Variants in PCGF3 observed in about 807,000 individuals in gnomAD.
PCGF3 encodes polycomb group ring finger 3.
A neutral mutation model predicts 33.1 loss-of-function variants in PCGF3; 7 were observed. The observed-to-expected ratio is 0.21, with a 90% CI of 0.12 to 0.40. The LOEUF is 0.40. Ranked by LOEUF, PCGF3 falls within the 10% of genes least tolerant of loss-of-function variation. The probability of loss-of-function intolerance (pLI) is 1.00; values close to 1 mark genes in which losing one functional copy is unlikely to be tolerated. For synonymous variants in PCGF3, 153 were observed against 121.3 expected (o/e 1.26, Z -1.72); for missense variants, 211 against 313.3 (o/e 0.67, Z 2.46).
At chr4:739,311 C>T (rs2152583197) in intron 6 of PCGF3, among the ~76,000 whole-genome samples, 1 of 152,300 alleles carries the variant, frequency 6.6e-6, no homozygotes, top group Non-Finnish European at 1.5e-5. Context: ...AGTGATTCTC[C>T]CACCTCAGCC....
intron 7 of PCGF3, 81 bp from the exon 8 acceptor site, chr4:744,519 G>A: frequency 9.5e-7 from 1 of 1,056,040 alleles, no homozygotes; most frequent in Non-Finnish European, 1.4e-6. Flanking sequence ...ATTTTTGACG[G>A]CATTTGGAGT....
intron 1 of PCGF3, among the ~76,000 whole-genome samples, chr4:718,751 G>A (rs1742959483): frequency 6.6e-6 from 1 of 152,190 alleles, no homozygotes. Context: ...GTGTGGGCAG[G>A]AGCCCATGGC....
At chr4:723,061 C>T (rs1371227840) in intron 1 of PCGF3, among the ~76,000 whole-genome samples, 5 of 144,986 alleles carry the variant, frequency 3.4e-5, no homozygotes, top group Non-Finnish European at 6.1e-5. Context: ...CCATCCACGC[C>T]GGGTCCACAC....
At chr4:758,165 CAAAAAAAAAAAAA>C (rs61081270) in intron 8 of PCGF3, among the ~76,000 whole-genome samples, 19 of 54,918 alleles carry the variant, frequency 3.5e-4, no homozygotes, top group African/African-American at 1.5e-3. Context: ...GACTCTGTCT[CAAAAAAAAAAAAA>C]AAAAAAAAAA....
chr4:706,293 G>C (rs1742297008), intron 1 of PCGF3, among the ~76,000 whole-genome samples: 1 of 149,336 alleles, frequency 6.7e-6, no homozygotes, highest in African/African-American at 2.5e-5. Context: ...GACTCCGGGA[G>C]GTCGAAGACC....
At chr4:715,454 T>C (rs1401676828) in intron 1 of PCGF3, among the ~76,000 whole-genome samples, 3 of 139,356 alleles carry the variant, frequency 2.2e-5, no homozygotes, top group African/African-American at 5.4e-5. Flanking sequence ...CTGTAGACAC[T>C]GTGAGTGTGA....
chr4:712,693 G>A (rs890423853), intron 1 of PCGF3, among the ~76,000 whole-genome samples: 3 of 152,170 alleles, frequency 2.0e-5, no homozygotes, highest in Non-Finnish European at 4.4e-5. Context: ...TGACCCGCCC[G>A]CCTTGGCCTC....
At chr4:730,814 G>T (rs1487791765) in intron 2 of PCGF3, 146 bp downstream of exon 2, 1 of 390,318 alleles carries the variant, frequency 2.6e-6, no homozygotes, top group Middle Eastern at 6.5e-4. Flanking sequence ...GCCATGCGTG[G>T]GTCCTTAGCT....
chr4:719,935 C>G (rs138442838), intron 1 of PCGF3, among the ~76,000 whole-genome samples: 1 of 152,270 alleles, frequency 6.6e-6, no homozygotes, highest in Non-Finnish European at 1.5e-5. Flanking sequence ...GAACGAGAGT[C>G]CATTGGGATC....
chr4:742,323 G>A (rs1292747356), intron 6 of PCGF3, among the ~76,000 whole-genome samples: 2 of 152,222 alleles, frequency 1.3e-5, no homozygotes, highest in African/African-American at 2.4e-5. Flanking sequence ...GTCCCTGCAC[G>A]GTTGGTGTTT....
At chr4:744,579 A>G (rs1407828742) in intron 7 of PCGF3, 21 bp from the exon 8 acceptor site, 26 of 1,528,342 alleles carry the variant, frequency 1.7e-5, no homozygotes, top group Non-Finnish European at 2.0e-5. Context: ...ATGGTGCGCT[A>G]TGTTCTGTTT....
At chr4:726,445 G>A (rs1393045111) in intron 1 of PCGF3, among the ~76,000 whole-genome samples, 1 of 152,248 alleles carries the variant, frequency 6.6e-6, no homozygotes, top group East Asian at 1.9e-4. Flanking sequence ...CCAGGCCCTG[G>A]TCTAGGTTGT....
At position 749,256 on chromosome 4, in the gene PCGF3, CCA is replaced by C. The variant is rs1442523456; in HGVS notation, c.462+4569_462+4570del. On this transcript the variant is annotated intron_variant, in intron 8 of 10. Coordinates refer to ENST00000362003, the Ensembl canonical transcript of PCGF3. Reference sequence around the variant, plus strand: ...CTCGGCTCACTGCAACCTCTGCCTCCCATGTTCAAGCGATTATCCTGCCTCAG... The same window carrying C: ...CTCGGCTCACTGCAACCTCTGCCTCCTGTTCAAGCGATTATCCTGCCTCAG... Among the ~76,000 whole-genome samples the C allele has an allele frequency of 2.6e-5, 4 of 152,238 alleles. No individual in the cohort carries two copies. In the South Asian group the frequency reaches 6.2e-4, roughly 24 times the overall value.
At chr4:760,781 C>T (rs1271875395) in intron 8 of PCGF3, among the ~76,000 whole-genome samples, 1 of 152,268 alleles carries the variant, frequency 6.6e-6, no homozygotes, top group African/African-American at 2.4e-5. Flanking sequence ...CCACAGTCCC[C>T]TTAACAGTCA....
chr4:761,338 C>G, exon 9 of PCGF3: 1 of 1,610,810 alleles, frequency 6.2e-7, no homozygotes, highest in Non-Finnish European at 8.5e-7. Context: ...GGAAGTGGAT[C>G]CGCTGCTCAG....
chr4:729,607 T>A (rs1308879476), intron 1 of PCGF3, among the ~76,000 whole-genome samples: 1 of 152,082 alleles, frequency 6.6e-6, no homozygotes, highest in African/African-American at 2.4e-5. Context: ...CTTGTTTCTC[T>A]TCTCCCTAAC....
intron 8 of PCGF3, among the ~76,000 whole-genome samples, chr4:753,560 G>A (rs1295650258): frequency 6.6e-6 from 1 of 150,892 alleles, no homozygotes; most frequent in African/African-American, 2.4e-5. Flanking sequence ...GGATAATGGC[G>A]TAAACCCGGG....
exon 11 of PCGF3, chr4:766,144 TAAG>T (rs1195003984): frequency 7.4e-7 from 1 of 1,349,642 alleles, no homozygotes; most frequent in African/African-American, 1.4e-5. Flanking sequence ...CCGCCGCGCT[TAAG>T]AACATTGCCT....
chr4:738,527 T>G (rs142452608), intron 6 of PCGF3, among the ~76,000 whole-genome samples: 5,275 of 151,922 alleles, frequency 0.035, 121 homozygotes, highest in Non-Finnish European at 0.051. Context: ...ACCCCAAGTT[T>G]TGTGACCCCC....
Sources: gnomAD v4.1 joint callset for allele counts (sites outside exome capture counted in the v4.1 genomes callset) on GRCh38, gnomAD v4.1.1 for gene constraint, MANE v1.5 for transcripts, NCBI Gene and HGNC (gene_info 2026-07-23, HGNC 2026-07-21) for gene names.